Variants in MGAM observed in about 807,000 individuals in gnomAD.
MGAM encodes the protein alpha-1,4-glucosidase.
A neutral mutation model predicts 358.8 loss-of-function variants in MGAM; 253 were observed. The observed-to-expected ratio is 0.71, with a 90% CI of 0.64 to 0.78. MGAM has a LOEUF of 0.78. Among genes scored for constraint, MGAM ranks in the 30% least tolerant of loss-of-function variants. The pLI is 0.00. For missense variants in MGAM, 3,080 were observed against 3,432.6 expected (o/e 0.90, Z 2.57); for synonymous variants, 1,105 against 1,227.1 (o/e 0.90, Z 2.08).
rs1554465769 is a variant in MGAM at position 142,036,230 on chromosome 7, T to C, written c.2021T>C (p.Met674Thr). Reference protein sequence around the residue: ...DTPEELCRRWMQLGAFYPFSR... With the variant: ...DTPEELCRRWTQLGAFYPFSR... ...CCTGAGGAGCTCTGTAGGCGGTGGA[T>C]GCAGTTGGGTGCATTTTATCCGTTT... Residue 674 changes from methionine (M) to threonine (T), a missense_variant, in exon 17 of 71, where the codon ATG becomes ACG. Physicochemically the swap from Met to Thr is moderately conservative, Grantham distance 81 (BLOSUM62 -1). This residue lies in a region of MGAM where 1,816 missense variants were observed against 1,840.5 expected (regional missense o/e 0.99). Transcript: ENST00000475668. 1 of 1,612,144 alleles carries C rather than the reference T, an allele frequency of 6.2e-7. No homozygotes were observed. The highest frequency in any genetic ancestry group is 2.2e-5 in the East Asian group (1 of 44,764).
chr7:141,986,845 G>T (rs1206312931), intron 2 of MGAM, among the ~76,000 whole-genome samples: 1 of 151,984 alleles, frequency 6.6e-6, no homozygotes, highest in South Asian at 2.1e-4. Context: ...TACCTCCTAG[G>T]GTATGTGTAC....
In MGAM at chr7:142,025,124, G is replaced by T; in HGVS notation, c.957G>T (p.Val319=). 1 of 1,612,118 alleles carries T rather than the reference G, an allele frequency of 6.2e-7. No homozygotes were observed. The highest frequency in any genetic ancestry group is 1.1e-5 in the South Asian group (1 of 91,052). Residue 319 remains valine (V), a synonymous_variant, in exon 8 of 71, where the codon GTG becomes GTT. Coordinates refer to ENST00000475668, the MANE Select transcript of MGAM (RefSeq NM_001365693.1). ...LEDASGLSFG[V]FLMNSNAMEV... Reference sequence around the variant, plus strand: ...ATGCTAGTGGATTGTCCTTTGGGGTGTTTCTGATGAACAGCAATGCCATGG... The same window carrying T: ...ATGCTAGTGGATTGTCCTTTGGGGTTTTTCTGATGAACAGCAATGCCATGG...
In MGAM at chr7:142,054,764, C is replaced by A; in HGVS notation, c.3170C>A (p.Pro1057His). ...NEMLQFKIYDPNKNRYEVPVP... is the reference protein window; with the variant it reads ...NEMLQFKIYDHNKNRYEVPVP... ...TTTCCTCTGGCCTAGATTTATGATC[C>A]CAACAAGAATCGGTATGAAGTTCCA... The change falls in exon 27 of 71, where the codon CCC (proline) becomes CAC (histidine). Residue 1057 changes from proline to histidine, a missense_variant. Coordinates refer to ENST00000475668, the MANE Select transcript of MGAM (RefSeq NM_001365693.1). 6.2e-7 allele frequency: 1 copy of A among 1,613,714 alleles called. No individual in the cohort carries two copies. The highest frequency in any genetic ancestry group is 8.5e-7 in the Non-Finnish European group (1 of 1,179,768).
At chr7:142,028,203 G>C (rs1040793514) in intron 10 of MGAM, among the ~76,000 whole-genome samples, 4 of 152,118 alleles carry the variant, frequency 2.6e-5, no homozygotes, top group African/African-American at 9.7e-5. Flanking sequence ...TACCATAAAA[G>C]TTGTATCATA....
chr7:142,027,529 G>T, intron 9 of MGAM, 81 bp from the exon 10 acceptor site: 1 of 1,433,912 alleles, frequency 7.0e-7, no homozygotes, highest in Non-Finnish European at 9.7e-7. Flanking sequence ...GACTATGTTT[G>T]GTGCTCTGAA....
chr7:142,058,114 G>T (rs373390225), intron 30 of MGAM, 89 bp from the exon 31 acceptor site: 9 of 1,581,730 alleles, frequency 5.7e-6, no homozygotes, highest in East Asian at 4.5e-5. Flanking sequence ...GTCTAGCTTG[G>T]GGCACAGAAA....
At chr7:142,072,493 T>C (rs1471594050) in intron 44 of MGAM, among the ~76,000 whole-genome samples, 1 of 146,482 alleles carries the variant, frequency 6.8e-6, no homozygotes, top group African/African-American at 2.4e-5. Context: ...TAGATGATTT[T>C]GTCTTTCTTC....
rs563285041 is a variant in MGAM at position 142,101,718 on chromosome 7, C to G, written c.7963+828C>G. Among the ~76,000 whole-genome samples, 10 of 151,712 alleles carry G rather than the reference C, an allele frequency of 6.6e-5. 2 individuals carry two copies. Among genetic ancestry groups the G allele is most frequent in the African/African-American group, 2.4e-4 (10 of 41,368 alleles). On this transcript the variant is annotated intron_variant, in intron 68 of 70. Transcript: ENST00000475668. ...GTTGGGAGTTCGAGATCAGCCTGAC[C>G]AACATGCAGAAACCCCCTCTCTACT... is the stretch of plus-strand genomic sequence containing the variant.
chr7:142,052,902 A>G lies in MGAM; in HGVS notation c.3077A>G (p.Tyr1026Cys). Residue 1026 changes from tyrosine (Y) to cysteine (C), a missense_variant, in exon 26 of 71, where the codon TAT becomes TGT. Physicochemically the swap from Tyr to Cys is radical, Grantham distance 194. This residue lies in a region of MGAM where 1,816 missense variants were observed against 1,840.5 expected (regional missense o/e 0.99). Transcript: ENST00000475668. ...TADISLKSSVYANAFPSTPVN... is the reference protein window; with the variant it reads ...TADISLKSSVCANAFPSTPVN... Reference sequence around the variant, plus strand: ...GACATCTCCTTAAAGTCTTCCGTTTATGCCAATGCCTTCCCCTCCACACCC... The same window carrying G: ...GACATCTCCTTAAAGTCTTCCGTTTGTGCCAATGCCTTCCCCTCCACACCC... The G allele has an allele frequency of 6.2e-7, 1 of 1,613,888 alleles. No individual in the cohort carries two copies. The highest frequency in any genetic ancestry group is 8.5e-7 in the Non-Finnish European group (1 of 1,179,846).
chr7:141,999,939 A>G (rs1328645966), intron 1 of MGAM, among the ~76,000 whole-genome samples: 1 of 152,130 alleles, frequency 6.6e-6, no homozygotes, highest in Non-Finnish European at 1.5e-5. Flanking sequence ...TTTCTCTTGT[A>G]TAGCTAGAAA....
upstream of MGAM, among the ~76,000 whole-genome samples, chr7:141,993,244 A>C (rs529310535): frequency 6.6e-6 from 1 of 152,376 alleles, no homozygotes; most frequent in East Asian, 1.9e-4. Flanking sequence ...GCCTAGAAAT[A>C]GCAGTAGCTG....
rs563781415 is a variant in MGAM, at chr7:142,054,435, T to G, written c.3160-319T>G. 4.6e-5 allele frequency among the ~76,000 whole-genome samples: 7 copies of G among 152,240 alleles called. No individual in the cohort carries two copies. In the South Asian group the frequency reaches 1.5e-3, roughly 32 times the overall value. ...TTTTTGAACTCATAATGATTTTAAG[T>G]TATTTATATATACTCATATACCCAC... is the stretch of plus-strand genomic sequence containing the variant. On this transcript the variant is annotated intron_variant, in intron 26 of 70. Coordinates refer to ENST00000475668, the MANE Select transcript of MGAM (RefSeq NM_001365693.1).
intron 2 of MGAM, among the ~76,000 whole-genome samples, chr7:141,988,784 G>A (rs782024384): frequency 6.6e-6 from 1 of 152,150 alleles, no homozygotes; most frequent in Non-Finnish European, 1.5e-5. Flanking sequence ...AGTAGAAGAC[G>A]GTGTAAAGCT....
At chr7:142,071,607 C>T (rs1585056766) in intron 44 of MGAM, among the ~76,000 whole-genome samples, 1 of 146,370 alleles carries the variant, frequency 6.8e-6, no homozygotes, top group East Asian at 2.0e-4. Context: ...TCTGGGTAAA[C>T]CAGGTCAGTT....
chr7:142,018,649 G>T (rs781866170), intron 3 of MGAM, among the ~76,000 whole-genome samples: 1 of 152,184 alleles, frequency 6.6e-6, no homozygotes, highest in African/African-American at 2.4e-5. Flanking sequence ...CCTTTCTTAA[G>T]TAAGAATCTA....
At position 142,088,747 on chromosome 7, in the gene MGAM, GTCTATCTATCTATCTATCTATCTA is replaced by G. The variant is rs60202972; in HGVS notation, c.6810+2061_6810+2084del. Among the ~76,000 whole-genome samples, 108 of 93,518 alleles carry G rather than the reference GTCTATCTATCTATCTATCTATCTA, an allele frequency of 1.2e-3. 4 individuals are homozygous for G. The East Asian group carries it at 0.017, about 14-fold the overall frequency. The allele number at this position is 93,518 out of a possible 152,430, so 61.4% of individuals were successfully genotyped here. A position where few individuals can be genotyped will look rare whatever the true frequency, so the allele number is the denominator to read the frequency against. The stretch of plus-strand genomic sequence containing the variant: ...TGTCTGTCTGTCTGTCTGTCTGTCT[GTCTATCTATCTATCTATCTATCTA>G]TCTATCTATCTATCTATCTATCTAT... On this transcript the variant is annotated intron_variant, in intron 57 of 70. Transcript: ENST00000475668.
chr7:142,079,642 T>A (rs1220166689), intron 49 of MGAM, among the ~76,000 whole-genome samples: 1 of 146,228 alleles, frequency 6.8e-6, no homozygotes, highest in African/African-American at 2.4e-5. Context: ...TACGTCTGCT[T>A]CTCTATTAAA....
chr7:142,053,762 G>T (rs79687383), intron 26 of MGAM, among the ~76,000 whole-genome samples: 9 of 152,246 alleles, frequency 5.9e-5, no homozygotes, highest in African/African-American at 1.4e-4. Context: ...TGCCTGAAAG[G>T]TTCTTTACAA....
chr7:142,002,016 C>T (rs1190829755), intron 1 of MGAM, among the ~76,000 whole-genome samples: 2 of 151,928 alleles, frequency 1.3e-5, no homozygotes, highest in African/African-American at 4.8e-5. Context: ...TTTCAGCTAC[C>T]ACAGCAAAAA....
Sources: allele counts gnomAD v4.1 joint callset (sites outside exome capture counted in the v4.1 genomes callset), GRCh38; gene constraint gnomAD v4.1.1; regional missense constraint gnomAD v4.1.1; transcripts MANE v1.5; gene names NCBI Gene and HGNC (gene_info 2026-07-23, HGNC 2026-07-21).